Variants in XRCC4 observed in about 807,000 individuals in gnomAD.
XRCC4 encodes X-ray repair cross complementing 4.
In XRCC4, 28 loss-of-function variants were observed where a neutral mutation model predicts 39.1. The observed-to-expected ratio is 0.72, with a 90% CI of 0.53 to 0.98. The LOEUF is 0.98. XRCC4 is among the 50% of genes least tolerant of loss of function. The pLI, the probability that XRCC4 is intolerant of heterozygous loss-of-function variation, is 0.00. For missense variants in XRCC4, 350 were observed against 376.4 expected (o/e 0.93, Z 0.58); for synonymous variants, 123 against 126.4 (o/e 0.97, Z 0.18).
At position 83,204,912 on chromosome 5, in the gene XRCC4, T is replaced by C; in HGVS notation, c.736T>C (p.Leu246=). The change falls in exon 6 of 8, where the codon TTG becomes CTG. Residue 246 remains leucine (L), a synonymous_variant. Coordinates refer to ENST00000396027, the MANE Select transcript of XRCC4 (RefSeq NM_003401.5). ...ESENQTDLSG[L]ASAAVSKDDS... The stretch of plus-strand genomic sequence containing the variant: ...TGAAAACCAAACTGATCTCTCTGGG[T>C]TGGCTTCAGGTAAGAGATACATACA... 5 of 1,610,520 alleles carry C rather than the reference T, an allele frequency of 3.1e-6. No homozygotes were observed. Among genetic ancestry groups the C allele is most frequent in the Non-Finnish European group, 4.2e-6 (5 of 1,177,494 alleles).
chr5:83,283,050 C>T (rs1156402542), intron 7 of XRCC4, among the ~76,000 whole-genome samples: 1 of 58,254 alleles, frequency 1.7e-5, no homozygotes. Context: ...ATAGCCAGAC[C>T]AAAAAAAAAA....
At chr5:83,242,256 A>G (rs1752943477) in intron 6 of XRCC4, among the ~76,000 whole-genome samples, 1 of 151,410 alleles carries the variant, frequency 6.6e-6, no homozygotes, top group South Asian at 2.1e-4. Context: ...TGTACTCAAC[A>G]CTTTTAATCT....
intron 3 of XRCC4, among the ~76,000 whole-genome samples, chr5:83,185,875 T>C (rs1460529096): frequency 6.6e-6 from 1 of 152,162 alleles, no homozygotes; most frequent in Admixed American, 6.5e-5. Context: ...ATCACTTTCT[T>C]TGATAGGCAA....
intron 3 of XRCC4, among the ~76,000 whole-genome samples, chr5:83,192,802 A>G (rs1580352299): frequency 6.6e-6 from 1 of 152,184 alleles, no homozygotes; most frequent in Non-Finnish European, 1.5e-5. Context: ...CAGAAGAGAC[A>G]TGCTCTCAAA....
intron 1 of XRCC4, among the ~76,000 whole-genome samples, chr5:83,086,810 A>C (rs1285696092): frequency 6.6e-6 from 1 of 152,050 alleles, no homozygotes; most frequent in African/African-American, 2.4e-5. Flanking sequence ...TTTCTAAGAC[A>C]TTGGCTGGTT....
At chr5:83,339,337 C>G (rs1428689281) in intron 7 of XRCC4, among the ~76,000 whole-genome samples, 1 of 151,964 alleles carries the variant, frequency 6.6e-6, no homozygotes, top group Non-Finnish European at 1.5e-5. Context: ...ACACATGAGT[C>G]TTCTTTAAAA....
At chr5:83,171,100 T>A (rs1749701616) in intron 3 of XRCC4, among the ~76,000 whole-genome samples, 1 of 152,054 alleles carries the variant, frequency 6.6e-6, no homozygotes, top group South Asian at 2.1e-4. Flanking sequence ...ATTCTTACAC[T>A]CCACTTTTCT....
At chr5:83,225,622 AAAAAG>A (rs1258641407) in intron 6 of XRCC4, among the ~76,000 whole-genome samples, 1 of 151,534 alleles carries the variant, frequency 6.6e-6, no homozygotes, top group African/African-American at 2.4e-5. Context: ...AAAAAAAAAA[AAAAAG>A]GATAGGCCTG....
At chr5:83,184,271 C>T (rs1472072651) in intron 3 of XRCC4, among the ~76,000 whole-genome samples, 1 of 151,852 alleles carries the variant, frequency 6.6e-6, no homozygotes, top group Non-Finnish European at 1.5e-5. Flanking sequence ...TGAGTTTATT[C>T]ATTAATGATA....
chr5:83,102,823 T>A (rs996905779), intron 1 of XRCC4, among the ~76,000 whole-genome samples: 2 of 151,902 alleles, frequency 1.3e-5, no homozygotes, highest in Admixed American at 6.6e-5. Context: ...ACATCAGATC[T>A]ACTAGACTTT....
At chr5:83,167,217 C>T (rs370416729) in intron 3 of XRCC4, among the ~76,000 whole-genome samples, 3 of 139,876 alleles carry the variant, frequency 2.1e-5, no homozygotes, top group African/African-American at 8.4e-5. Context: ...CTCTAATGAT[C>T]AGTGATGTTG....
At chr5:83,209,346 A>G (rs990475252) in intron 6 of XRCC4, among the ~76,000 whole-genome samples, 2 of 152,094 alleles carry the variant, frequency 1.3e-5, no homozygotes, top group Non-Finnish European at 2.9e-5. Flanking sequence ...ACCACATGCA[A>G]TTGGCCTTTT....
chr5:83,128,993 G>A (rs2112471172), intron 3 of XRCC4, among the ~76,000 whole-genome samples: 1 of 152,166 alleles, frequency 6.6e-6, no homozygotes, highest in Non-Finnish European at 1.5e-5. Flanking sequence ...GATCCCATTT[G>A]TCAATTTTGG....
At chr5:83,234,141 A>G (rs985717252) in intron 6 of XRCC4, among the ~76,000 whole-genome samples, 7 of 152,284 alleles carry the variant, frequency 4.6e-5, no homozygotes, top group Admixed American at 2.0e-4. Context: ...ACAGTTTTCC[A>G]GCACATTTAA....
intron 3 of XRCC4, among the ~76,000 whole-genome samples, chr5:83,111,766 C>A (rs1424136926): frequency 6.6e-6 from 1 of 152,096 alleles, no homozygotes; most frequent in African/African-American, 2.4e-5. Flanking sequence ...AGTTCCTGCA[C>A]CAATTCAGAT....
At chr5:83,241,343 A>G (rs1752901320) in intron 6 of XRCC4, among the ~76,000 whole-genome samples, 1 of 152,150 alleles carries the variant, frequency 6.6e-6, no homozygotes, top group Non-Finnish European at 1.5e-5. Flanking sequence ...AACTAATTGC[A>G]GCCATATTAA....
intron 7 of XRCC4, among the ~76,000 whole-genome samples, chr5:83,324,132 T>C (rs184805503): frequency 9.9e-5 from 15 of 152,256 alleles, no homozygotes; most frequent in Admixed American, 9.2e-4. Context: ...TGTGTATAAA[T>C]ATAGAAAATC....
intron 7 of XRCC4, among the ~76,000 whole-genome samples, chr5:83,343,289 G>A (rs1223056707): frequency 6.6e-6 from 1 of 152,090 alleles, no homozygotes; most frequent in Non-Finnish European, 1.5e-5. Flanking sequence ...TAAAACAGCT[G>A]CCTCAGAATG....
At chr5:83,165,240 C>T (rs1003426847) in intron 3 of XRCC4, among the ~76,000 whole-genome samples, 9 of 151,836 alleles carry the variant, frequency 5.9e-5, no homozygotes, top group African/African-American at 2.2e-4. Context: ...ATTAACATAG[C>T]TGCTGTAAGA....
Sources: gnomAD v4.1 joint callset for allele counts (sites outside exome capture counted in the v4.1 genomes callset) on GRCh38, gnomAD v4.1.1 for gene constraint, MANE v1.5 for transcripts, NCBI Gene and HGNC (gene_info 2026-07-23, HGNC 2026-07-21) for gene names.